TTC39C: variants seen among roughly 807,000 people sequenced by gnomAD.
The protein encoded by TTC39C is tetratricopeptide repeat protein 39C.
Under a neutral mutation model 76.3 loss-of-function variants are expected in TTC39C, and 33 were observed. The observed-to-expected ratio is 0.43, with a 90% CI of 0.33 to 0.58. TTC39C has a LOEUF of 0.58. Ranked by LOEUF, TTC39C falls within the 20% of genes least tolerant of loss-of-function variation. The pLI is 0.04. For synonymous variants in TTC39C, 254 were observed against 260.6 expected, an observed-to-expected ratio of 0.97 and a Z score of 0.24; for missense variants, 595 against 701.4, an observed-to-expected ratio of 0.85 and a Z score of 1.71.
chr18:24,014,133 G>A (rs754744498), upstream of TTC39C, among the ~76,000 whole-genome samples: 4 of 152,204 alleles, frequency 2.6e-5, no homozygotes, highest in Non-Finnish European at 5.9e-5. Flanking sequence ...CCCCGCCCCC[G>A]CCGCCCACCT....
chr18:24,037,173 T>C (rs2083742814), intron 1 of TTC39C, among the ~76,000 whole-genome samples: 1 of 152,164 alleles, frequency 6.6e-6, no homozygotes, highest in Admixed American at 6.5e-5. Context: ...GGTTTAATGT[T>C]TTGATGAAGT....
chr18:24,050,939 A>G (rs1041921377), intron 1 of TTC39C, among the ~76,000 whole-genome samples: 4 of 152,086 alleles, frequency 2.6e-5, no homozygotes, highest in Admixed American at 1.3e-4. Flanking sequence ...TGTATTTTAA[A>G]TTACTTTCAT....
At chr18:24,075,735 A>T (rs2084300020) in intron 4 of TTC39C, among the ~76,000 whole-genome samples, 1 of 152,082 alleles carries the variant, frequency 6.6e-6, no homozygotes, top group South Asian at 2.1e-4. Context: ...TTGAGACACA[A>T]GAAAGGCAAG....
intron 4 of TTC39C, among the ~76,000 whole-genome samples, chr18:24,077,526 C>T (rs1858284051): frequency 6.6e-6 from 1 of 152,128 alleles, no homozygotes; most frequent in South Asian, 2.1e-4. Flanking sequence ...AAGTTGCATG[C>T]TTATTTTTTC....
intron 6 of TTC39C, among the ~76,000 whole-genome samples, chr18:24,097,571 T>G (rs906046602): frequency 1.3e-5 from 2 of 152,244 alleles, no homozygotes; most frequent in Non-Finnish European, 2.9e-5. Context: ...TCTATGGTGT[T>G]GGCTATTATT....
intron 1 of TTC39C, among the ~76,000 whole-genome samples, chr18:24,016,018 G>A (rs2145643106): frequency 6.6e-6 from 1 of 152,266 alleles, no homozygotes; most frequent in East Asian, 1.9e-4. Flanking sequence ...TAGTTTGGTT[G>A]GAATGAGAGG....
chr18:24,065,251 G>A (rs1223813944), intron 2 of TTC39C, among the ~76,000 whole-genome samples: 2 of 152,378 alleles, frequency 1.3e-5, no homozygotes, highest in South Asian at 4.1e-4. Context: ...GGCCAAGATG[G>A]AGCTGGTGGA....
rs766451277 is a variant in TTC39C at position 24,132,581 on chromosome 18, C to T, written c.*7C>T. The T allele has an allele frequency of 3.4e-5, 54 of 1,610,592 alleles. No homozygotes were observed. Among genetic ancestry groups the T allele is most frequent in the African/African-American group, 6.7e-5 (5 of 74,800 alleles). On this transcript the variant is annotated 3_prime_UTR_variant, in exon 14 of 14. Coordinates refer to ENST00000317571, the MANE Select transcript of TTC39C (RefSeq NM_001135993.2). ...GGAATTGGTTCCTCAGTGACAGACC[C>T]GGAACACCCGCTCCGTCCCTCCCCA...
At chr18:24,089,266 G>A (rs1252098825) in intron 6 of TTC39C, among the ~76,000 whole-genome samples, 1 of 152,230 alleles carries the variant, frequency 6.6e-6, no homozygotes, top group East Asian at 1.9e-4. Flanking sequence ...TGAAGGGCAA[G>A]CCTGCCTCTT....
intron 1 of TTC39C, among the ~76,000 whole-genome samples, chr18:24,060,965 A>G (rs72879837): frequency 0.14 from 21,337 of 152,038 alleles, 1,909 homozygotes; most frequent in Admixed American, 0.23. Context: ...TACCAACTGG[A>G]TTTGCTTTTA....
intron 10 of TTC39C, among the ~76,000 whole-genome samples, chr18:24,127,924 C>G (rs2085070656): frequency 6.6e-6 from 1 of 152,188 alleles, no homozygotes; most frequent in Non-Finnish European, 1.5e-5. Flanking sequence ...TCTCTTATCT[C>G]ATTCAGAATA....
chr18:24,095,334 G>A (rs56053448), intron 6 of TTC39C, among the ~76,000 whole-genome samples: 10,699 of 152,250 alleles, frequency 0.07, 827 homozygotes, highest in East Asian at 0.23. Context: ...AACTTTATTC[G>A]TATCAGCAGT....
chr18:24,116,550 A>C (rs575304435), intron 7 of TTC39C, among the ~76,000 whole-genome samples: 1 of 152,146 alleles, frequency 6.6e-6, no homozygotes, highest in Non-Finnish European at 1.5e-5. Context: ...GTGTTTCCAA[A>C]AAAAGCCCAA....
chr18:24,008,195 A>C (rs1391450994), intron 1 of TTC39C, among the ~76,000 whole-genome samples: 1 of 152,176 alleles, frequency 6.6e-6, no homozygotes, highest in African/African-American at 2.4e-5. Context: ...ACTTACAAAC[A>C]GGTCATGAAC....
intron 4 of TTC39C, among the ~76,000 whole-genome samples, chr18:24,079,802 C>CTTT (rs2084354619): frequency 6.6e-5 from 2 of 30,228 alleles, no homozygotes; most frequent in African/African-American, 1.9e-4. Flanking sequence ...ACATTTTTTT[C>CTTT]TTTCTTTTTT....
chr18:24,040,895 A>G (rs2083785050), intron 1 of TTC39C, among the ~76,000 whole-genome samples: 1 of 152,218 alleles, frequency 6.6e-6, no homozygotes. Flanking sequence ...GGGGGGCTAT[A>G]TTATAAATTA....
chr18:23,995,400 G>T (rs764268001), intron 1 of TTC39C, among the ~76,000 whole-genome samples: 1 of 152,086 alleles, frequency 6.6e-6, no homozygotes, highest in Non-Finnish European at 1.5e-5. Flanking sequence ...AATCCAGGAG[G>T]TGGAGGTTGC....
Position 24,080,690 on chromosome 18 carries a change from A to G in TTC39C, c.566A>G (p.Glu189Gly). The change falls in exon 5 of 14, where the codon GAA becomes GGA. Residue 189 changes from glutamate to glycine, a missense_variant. Physicochemically the swap from Glu to Gly is moderately conservative, Grantham distance 98 (BLOSUM62 -2). Coordinates refer to ENST00000317571, the MANE Select transcript of TTC39C (RefSeq NM_001135993.2). ...LQELYQKKLT[E>G]ESLTSDAAND... Reference sequence around the variant, plus strand: ...GAGCTGTATCAGAAGAAGCTAACTGAAGAGTCCTTGACTTCTGATGCTGCA... The same window carrying G: ...GAGCTGTATCAGAAGAAGCTAACTGGAGAGTCCTTGACTTCTGATGCTGCA... The G allele has an allele frequency of 6.2e-7, 1 of 1,614,142 alleles. No individual in the cohort carries two copies. Among genetic ancestry groups the G allele is most frequent in the Non-Finnish European group, 8.5e-7 (1 of 1,179,998 alleles).
intron 6 of TTC39C, among the ~76,000 whole-genome samples, chr18:24,094,415 A>G (rs1220007189): frequency 2.0e-5 from 3 of 152,220 alleles, no homozygotes. Flanking sequence ...CTATGAATCC[A>G]TGTTCTTAAT....
Sources: allele counts gnomAD v4.1 joint callset (sites outside exome capture counted in the v4.1 genomes callset), GRCh38; gene constraint gnomAD v4.1.1; transcripts MANE v1.5; gene names NCBI Gene and HGNC (gene_info 2026-07-23, HGNC 2026-07-21).